The following MGAT4D variants were observed in gnomAD, a reference collection of about 807,000 sequenced individuals.
The protein encoded by MGAT4D is MGAT4 family member D.
MGAT4D carries 34 observed loss-of-function variants against 15.9 expected under a neutral mutation model. That is an observed-to-expected ratio of 2.14 (90% confidence interval 1.62 to 2.84). The LOEUF (loss-of-function observed/expected upper bound fraction) is 2.84. MGAT4D is among the 30% of genes most tolerant of loss of function. MGAT4D has a pLI of 0.00. For missense variants in MGAT4D, 327 were observed against 140.2 expected, an observed-to-expected ratio of 2.33 and a Z score of -6.73; for synonymous variants, 112 against 48.2, an observed-to-expected ratio of 2.33 and a Z score of -5.49.
At chr4:140,481,386 GA>G (rs1732720227) in intron 2 of MGAT4D, among the ~76,000 whole-genome samples, 1 of 152,090 alleles carries the variant, frequency 6.6e-6, no homozygotes, top group South Asian at 2.1e-4. Context: ...AGCCACTCTG[GA>G]AAACAGTATG....
intron 6 of MGAT4D, among the ~76,000 whole-genome samples, chr4:140,463,942 C>G (rs1221583699): frequency 1.3e-5 from 2 of 152,082 alleles, no homozygotes; most frequent in Admixed American, 1.3e-4. Flanking sequence ...AGTAGGGACT[C>G]TGTAATGGTG....
At chr4:140,453,890 T>C (rs1730627608) in intron 9 of MGAT4D, among the ~76,000 whole-genome samples, 1 of 152,182 alleles carries the variant, frequency 6.6e-6, no homozygotes, top group Non-Finnish European at 1.5e-5. Context: ...AGTGTGAAAA[T>C]GGACTAATAC....
At chr4:140,449,801 C>G (rs1431238785) in intron 10 of MGAT4D, among the ~76,000 whole-genome samples, 1 of 151,818 alleles carries the variant, frequency 6.6e-6, no homozygotes, top group African/African-American at 2.4e-5. Context: ...CAAAATTTAA[C>G]TAGTTAAAGA....
intron 7 of MGAT4D, among the ~76,000 whole-genome samples, chr4:140,459,865 C>T (rs1417650761): frequency 2.3e-5 from 3 of 132,552 alleles, no homozygotes; most frequent in Admixed American, 8.8e-5. Context: ...AGTGCAGTTG[C>T]GTGACTGCAG....
At chr4:140,452,331 A>G (rs1730526172) in intron 9 of MGAT4D, among the ~76,000 whole-genome samples, 1 of 152,176 alleles carries the variant, frequency 6.6e-6, no homozygotes, top group South Asian at 2.1e-4. Context: ...ACATTTATTT[A>G]GATGCATTTC....
intron 9 of MGAT4D, among the ~76,000 whole-genome samples, chr4:140,454,113 T>TA (rs920897220): frequency 6.6e-6 from 1 of 152,044 alleles, no homozygotes; most frequent in African/African-American, 2.4e-5. Flanking sequence ...TTTTTCCCTT[T>TA]ATTGCACTGG....
intron 2 of MGAT4D, among the ~76,000 whole-genome samples, chr4:140,480,702 G>A (rs4105059): frequency 0.25 from 37,239 of 150,226 alleles, 4,988 homozygotes; most frequent in East Asian, 0.49. Flanking sequence ...AACAGCATGA[G>A]CAATATAGCA....
chr4:140,494,331 G>C (rs1034723783), intron 1 of MGAT4D, among the ~76,000 whole-genome samples: 14 of 152,214 alleles, frequency 9.2e-5, no homozygotes, highest in African/African-American at 3.4e-4. Context: ...TTCATTACTA[G>C]AGAATGTTCT....
rs1225560660 is a variant in MGAT4D at position 140,471,227 on chromosome 4, T to TTACCTTCC, written c.572+547_572+548insGGAAGGTA. On this transcript the variant is annotated intron_variant, in intron 5 of 10. Transcript: ENST00000511113. ...TTTCGTTTCTCCTTTCTCCTTTTTGTTTCCTTCCTTCCTTCCTTCCTTCCT... is the reference window on the plus strand; with the variant it reads ...TTTCGTTTCTCCTTTCTCCTTTTTGTTACCTTCCTTCCTTCCTTCCTTCCTTCCTTCCT... Among the ~76,000 whole-genome samples the TTACCTTCC allele has an allele frequency of 4.4e-3, 593 of 133,786 alleles. 3 individuals carry two copies. The highest frequency in any genetic ancestry group is 6.9e-3 in the Non-Finnish European group (423 of 61,490). 87.8% of individuals were successfully genotyped at this position (133,786 alleles called of 152,430 possible).
intron 10 of MGAT4D, among the ~76,000 whole-genome samples, chr4:140,450,731 G>A (rs561817978): frequency 2.6e-5 from 4 of 152,248 alleles, no homozygotes; most frequent in South Asian, 2.1e-4. Context: ...TAGAGGTGTC[G>A]AGGGTGGAAG....
chr4:140,443,820 T>TA (rs1729921832), intron 10 of MGAT4D, among the ~76,000 whole-genome samples: 1 of 152,132 alleles, frequency 6.6e-6, no homozygotes, highest in African/African-American at 2.4e-5. Flanking sequence ...AGGTTTAGGG[T>TA]AATTTAAAGT....
At chr4:140,477,999 A>T (rs951710312) in intron 3 of MGAT4D, among the ~76,000 whole-genome samples, 9 of 152,238 alleles carry the variant, frequency 5.9e-5, no homozygotes, top group African/African-American at 2.2e-4. Context: ...ATTCCCTAGT[A>T]GGCCTTGCCA....
At chr4:140,476,845 C>T (rs1732369675) in intron 3 of MGAT4D, among the ~76,000 whole-genome samples, 1 of 152,014 alleles carries the variant, frequency 6.6e-6, no homozygotes, top group African/African-American at 2.4e-5. Context: ...GAATTCTTAC[C>T]TTATCTTTCA....
At position 140,442,978 on chromosome 4, in the gene MGAT4D, T is replaced by G. The variant is rs1452928828; in HGVS notation, c.*458A>C. 6.6e-6 allele frequency: 1 copy of G among 152,262 alleles called. No individual in the cohort carries two copies. The highest frequency in any genetic ancestry group is 2.4e-5 in the African/African-American group (1 of 41,466). 9.4% of individuals were successfully genotyped at this position (152,262 alleles called of 1,614,324 possible). ...AAGTTTATAGTTTTAAATGCATCTATTAATAGACAAGAAGACATTGTGGCA... is the reference window on the plus strand; with the variant it reads ...AAGTTTATAGTTTTAAATGCATCTAGTAATAGACAAGAAGACATTGTGGCA... On this transcript the variant is annotated 3_prime_UTR_variant, in exon 11 of 11. Coordinates refer to ENST00000511113, the MANE Select transcript of MGAT4D (RefSeq NM_001277353.2).
chr4:140,491,739 C>A (rs989550063), intron 1 of MGAT4D, among the ~76,000 whole-genome samples: 1 of 151,906 alleles, frequency 6.6e-6, no homozygotes, highest in Non-Finnish European at 1.5e-5. Context: ...CCACAGCAGG[C>A]CCTCAGAAGC....
rs1729850723 is a variant in MGAT4D at position 140,442,697 on chromosome 4, A to C, written c.*739T>G. ...GAAACTATACATTCTTTCCAAAGTCATATGGAACACAAGGATTCACAACAA... is the reference window on the plus strand; with the variant it reads ...GAAACTATACATTCTTTCCAAAGTCCTATGGAACACAAGGATTCACAACAA... On this transcript the variant is annotated 3_prime_UTR_variant, in exon 11 of 11. Transcript: ENST00000511113. 1 of 152,180 alleles carries C rather than the reference A, an allele frequency of 6.6e-6. No homozygotes were observed. The highest frequency in any genetic ancestry group is 1.5e-5 in the Non-Finnish European group (1 of 68,000). 9.4% of individuals were successfully genotyped at this position (152,180 alleles called of 1,614,324 possible). A position where few individuals can be genotyped will look rare whatever the true frequency, so the allele number is the denominator to read the frequency against.
chr4:140,444,619 C>T (rs549508545), intron 10 of MGAT4D, among the ~76,000 whole-genome samples: 5 of 152,198 alleles, frequency 3.3e-5, no homozygotes, highest in South Asian at 4.1e-4. Context: ...TCCAGTCTAT[C>T]GCTGATAGGC....
In MGAT4D at chr4:140,442,567, A is replaced by T. The variant is rs1729844630; in HGVS notation, c.*869T>A. 2 of 152,144 alleles carry T rather than the reference A, an allele frequency of 1.3e-5. No homozygotes were observed. The highest frequency in any genetic ancestry group is 4.8e-5 in the African/African-American group (2 of 41,444). The allele number at this position is 152,144 out of a possible 1,614,324, so 9.4% of individuals were successfully genotyped here. ...AAATTAGAAAGCCTGATATAAGAGA[A>T]TTTTGCACCCAATAGATAGGAATAC... On this transcript the variant is annotated 3_prime_UTR_variant, in exon 11 of 11. Transcript: ENST00000511113.
At chr4:140,452,188 AAAAC>A (rs761302035) in intron 9 of MGAT4D, among the ~76,000 whole-genome samples, 2 of 152,004 alleles carry the variant, frequency 1.3e-5, no homozygotes, top group Non-Finnish European at 2.9e-5. Context: ...AAACAAAAAC[AAAAC>A]AAACAATAAA....
Sources: allele counts gnomAD v4.1 joint callset (sites outside exome capture counted in the v4.1 genomes callset), GRCh38; gene constraint gnomAD v4.1.1; transcripts MANE v1.5; gene names NCBI Gene and HGNC (gene_info 2026-07-23, HGNC 2026-07-21).